Variants in F5 observed in about 807,000 individuals in gnomAD.
The protein encoded by F5 is coagulation factor V.
In F5, 138 loss-of-function variants were observed where a neutral mutation model predicts 216.4. The observed-to-expected ratio is 0.64, with a 90% CI of 0.56 to 0.73. The LOEUF (loss-of-function observed/expected upper bound fraction) is 0.73, where lower values mean the gene tolerates loss of function less well. Among genes scored for constraint, F5 ranks in the 30% least tolerant of loss-of-function variants. The pLI is 0.00. For missense variants in F5, 2,403 were observed against 2,674.0 expected, an observed-to-expected ratio of 0.90 and a Z score of 2.24; for synonymous variants, 916 against 930.7, an observed-to-expected ratio of 0.98 and a Z score of 0.29.
chr1:169,559,146 G>A lies in F5; in HGVS notation c.730+7C>T, dbSNP rs6023. The stretch of plus-strand genomic sequence containing the variant: ...TGTTGTTTAATGGTACACAGCCCTC[G>A]TGTTACCTGGCATTGTCCCATTCAC... On this transcript the variant is annotated splice_region_variant and intron_variant, in intron 5 of 24. Transcript: ENST00000367797. 118,829 of 1,613,268 alleles carry A rather than the reference G, an allele frequency of 0.074. 4,966 individuals carry two copies. Among genetic ancestry groups the A allele is most frequent in the Non-Finnish European group, 0.086 (100,957 of 1,179,404 alleles).
At chr1:169,552,493 ACCAGGTACT>A (rs1660194787) in intron 8 of F5, 55 bp downstream of exon 8, 1 of 1,328,464 alleles carries the variant, frequency 7.5e-7, no homozygotes, top group Non-Finnish European at 1.1e-6. Context: ...TTAAAAAATA[ACCAGGTACT>A]CCATAATATT....
In F5 at chr1:169,513,898, A is replaced by G. The variant is rs1260758829; in HGVS notation, c.*415T>C. 2.0e-5 allele frequency among the ~76,000 whole-genome samples: 3 copies of G among 152,190 alleles called. No homozygotes were observed. The highest frequency in any genetic ancestry group is 4.4e-5 in the Non-Finnish European group (3 of 68,014). Reference sequence around the variant, plus strand: ...TTTTTCTCTTCACTCAAGAAAAACCATTAAAAAATCATGTGTTTGTGAAAG... The same window carrying G: ...TTTTTCTCTTCACTCAAGAAAAACCGTTAAAAAATCATGTGTTTGTGAAAG... On this transcript the variant is annotated 3_prime_UTR_variant, in exon 25 of 25. Coordinates refer to ENST00000367797, the MANE Select transcript of F5 (RefSeq NM_000130.5).
At chr1:169,514,971 A>G (rs1659124976) in intron 24 of F5, among the ~76,000 whole-genome samples, 1 of 152,178 alleles carries the variant, frequency 6.6e-6, no homozygotes, top group South Asian at 2.1e-4. Context: ...TTTACCTCAC[A>G]GAAGTCATTG....
chr1:169,523,364 GA>G lies in F5; in HGVS notation c.5893-13del, dbSNP rs1433978858. Reference sequence around the variant, plus strand: ...TTTTGCATGTCCACCTGCAATATAGGAAAGCCAGTAAACAGAACTGTCCTTG... The same window carrying G: ...TTTTGCATGTCCACCTGCAATATAGGAAGCCAGTAAACAGAACTGTCCTTG... On this transcript the variant is annotated splice_polypyrimidine_tract_variant and intron_variant, in intron 20 of 24. Transcript: ENST00000367797. The G allele has an allele frequency of 6.2e-7, 1 of 1,613,890 alleles. No individual in the cohort carries two copies. Among genetic ancestry groups the G allele is most frequent in the South Asian group, 1.1e-5 (1 of 91,074 alleles).
chr1:169,512,669 G>A lies in F5; in HGVS notation c.*1644C>T, dbSNP rs1659057279. Among the ~76,000 whole-genome samples, 1 of 151,996 alleles carries A rather than the reference G, an allele frequency of 6.6e-6. No homozygotes were observed. The highest frequency in any genetic ancestry group is 2.4e-5 in the African/African-American group (1 of 41,402). On this transcript the variant is annotated 3_prime_UTR_variant, in exon 25 of 25. Transcript: ENST00000367797. ...ATGGAAATCTTAGAAATGTTGATGG[G>A]ACAATGACATGAATCATGAAAAGAA...
chr1:169,567,662 C>T (rs895517533), intron 3 of F5, among the ~76,000 whole-genome samples: 10 of 151,848 alleles, frequency 6.6e-5, no homozygotes, highest in African/African-American at 2.2e-4. Context: ...AATCAGTCCT[C>T]GGCCCCTCAG....
Position 169,529,701 on chromosome 1 carries a change from A to T in F5, c.5326T>A (p.Phe1776Ile), listed in dbSNP as rs548238043. 5 of 1,613,870 alleles carry T rather than the reference A, an allele frequency of 3.1e-6. No individual in the cohort carries two copies. The South Asian group carries it at 4.4e-5, about 14-fold the overall frequency. Residue 1776 changes from phenylalanine to isoleucine, a missense_variant, in exon 16 of 25, where the codon TTT (phenylalanine) becomes ATT (isoleucine). Around this residue, in one of 4 missense-constraint regions of F5, gnomAD observed 659 missense variants for 787.9 expected, o/e 0.84. Coordinates refer to ENST00000367797, the MANE Select transcript of F5 (RefSeq NM_000130.5). Reference protein sequence around the residue: ...MREFVLLFMTFDEKKSWYYEK... With the variant: ...MREFVLLFMTIDEKKSWYYEK... ...TAGTACCAGCTCTTCTTTTCATCAA[A>T]GGTCATAAATAGTAAGACAAATTCT...
chr1:169,522,335 T>C (rs984978424), intron 21 of F5, among the ~76,000 whole-genome samples: 6 of 152,146 alleles, frequency 3.9e-5, no homozygotes, highest in African/African-American at 1.4e-4. Context: ...AAAGCTAGTA[T>C]AACTGTGGTA....
rs780526859 is a variant in F5 at position 169,541,899 on chromosome 1, A to C, written c.3191T>G (p.Leu1064Arg). 1 of 1,614,174 alleles carries C rather than the reference A, an allele frequency of 6.2e-7. No individual in the cohort carries two copies. Among genetic ancestry groups the C allele is most frequent in the South Asian group, 1.1e-5 (1 of 91,084 alleles). ...EAYNTFSERR[L>R]KHSLVLHKSN... ...TTTATGAAGCACCAACGAATGCTTA[A>C]GTCTTCTTTCTGAAAATGTGTTGTA... is the stretch of plus-strand genomic sequence containing the variant. Residue 1064 changes from leucine (L) to arginine (R), a missense_variant, in exon 13 of 25, where the codon CTT becomes CGT. Around this residue, in one of 4 missense-constraint regions of F5, gnomAD observed 1,425 missense variants for 1,554.8 expected, o/e 0.92. Transcript: ENST00000367797.
chr1:169,515,363 A>G, intron 24 of F5, 81 bp downstream of exon 24: 1 of 1,529,322 alleles, frequency 6.5e-7, no homozygotes, highest in Non-Finnish European at 9.0e-7. Context: ...GTCACTGCAT[A>G]TTTGTCAAAT....
At chr1:169,534,021 G>A (rs140843753) in intron 14 of F5, among the ~76,000 whole-genome samples, 2,052 of 152,222 alleles carry the variant, frequency 0.013, 20 homozygotes, top group Non-Finnish European at 0.021. Flanking sequence ...TGACCTAATC[G>A]GTTATGTTAT....
chr1:169,521,468 C>G (rs901971180), intron 21 of F5, among the ~76,000 whole-genome samples: 1 of 152,132 alleles, frequency 6.6e-6, no homozygotes, highest in African/African-American at 2.4e-5. Context: ...TGGCAGTAAA[C>G]AGGCTGTGCC....
Position 169,525,907 on chromosome 1 carries a change from C to T in F5, c.5710G>A (p.Asp1904Asn), listed in dbSNP as rs1659434081. ...CACATGGCTCTTGTGATACCTCTGTCCATGATAAGAAATGGCGTTTGCATC... is the reference window on the plus strand; with the variant it reads ...CACATGGCTCTTGTGATACCTCTGTTCATGATAAGAAATGGCGTTTGCATC... ...AGMQTPFLIM[D>N]RDCRMPMGLS... Residue 1904 changes from aspartate to asparagine, a missense_variant, in exon 18 of 25, where the codon GAC (aspartate) becomes AAC (asparagine). Coordinates refer to ENST00000367797, the MANE Select transcript of F5 (RefSeq NM_000130.5). The T allele has an allele frequency of 6.2e-7, 1 of 1,610,452 alleles. No homozygotes were observed.
intron 21 of F5, among the ~76,000 whole-genome samples, chr1:169,522,587 C>T (rs1313147527): frequency 3.3e-5 from 5 of 152,008 alleles, no homozygotes; most frequent in Non-Finnish European, 5.9e-5. Context: ...CAGAAACAGA[C>T]TCAAGGTTAT....
At chr1:169,550,587 G>A in intron 9 of F5, 53 bp downstream of exon 9, 1 of 1,363,366 alleles carries the variant, frequency 7.3e-7, no homozygotes, top group Non-Finnish European at 1.1e-6. Context: ...AGAAAAATGT[G>A]GCAGCCTCTC....
chr1:169,584,712 T>G (rs1661064907), intron 1 of F5, among the ~76,000 whole-genome samples: 1 of 152,312 alleles, frequency 6.6e-6, no homozygotes, highest in African/African-American at 2.4e-5. Context: ...GCCAGATATA[T>G]GGATTAGATT....
At chr1:169,584,156 A>C (rs1051707884) in intron 1 of F5, among the ~76,000 whole-genome samples, 2 of 152,232 alleles carry the variant, frequency 1.3e-5, no homozygotes, top group African/African-American at 4.8e-5. Flanking sequence ...AAAAAATATC[A>C]GTCTCTTACG....
Position 169,540,786 on chromosome 1 carries a change from T to C in F5, c.4304A>G (p.Gln1435Arg), listed in dbSNP as rs187800927. ...GQMSLSPDLS[Q>R]VTLSPDISDT... ...ACTGATGTCTGGAGAGAGAGTCACC[T>C]GGCTGAGGTCTGGGGAAAGGGACAT... The change falls in exon 13 of 25, where the codon CAG becomes CGG. Residue 1435 changes from glutamine (Q) to arginine (R), a missense_variant. Gln to Arg is a conservative substitution (Grantham distance 43, BLOSUM62 1). Transcript: ENST00000367797. 6.2e-7 allele frequency: 1 copy of C among 1,614,070 alleles called. No individual in the cohort carries two copies. The highest frequency in any genetic ancestry group is 2.2e-5 in the East Asian group (1 of 44,880).
At chr1:169,539,949 A>G (rs979083190) in intron 13 of F5, among the ~76,000 whole-genome samples, 1 of 152,240 alleles carries the variant, frequency 6.6e-6, no homozygotes, top group African/African-American at 2.4e-5. Flanking sequence ...GCTAACTTCA[A>G]TTAAATCATA....
Sources: gnomAD v4.1 joint callset for allele counts (sites outside exome capture counted in the v4.1 genomes callset) on GRCh38, gnomAD v4.1.1 for gene constraint, gnomAD v4.1.1 regional missense constraint, MANE v1.5 for transcripts, NCBI Gene and HGNC (gene_info 2026-07-23, HGNC 2026-07-21) for gene names.